C2CD3: variants seen among roughly 807,000 people sequenced by gnomAD.
C2CD3 encodes C2 domain containing 3 centriole elongation regulator, also known as C2 domain-containing protein 3.
A neutral mutation model predicts 234.0 loss-of-function variants in C2CD3; 148 were observed. That is an observed-to-expected ratio of 0.63 (90% CI 0.55 to 0.72). The LOEUF (loss-of-function observed/expected upper bound fraction) is 0.72. Ranked by LOEUF, C2CD3 falls within the 30% of genes least tolerant of loss-of-function variation. The pLI, the probability that C2CD3 is intolerant of heterozygous loss-of-function variation, is 0.00. For synonymous variants in C2CD3, 1,000 were observed against 1,035.4 expected (o/e 0.97, Z 0.66); for missense variants, 2,577 against 2,811.5 (o/e 0.92, Z 1.89).
intron 25 of C2CD3, among the ~76,000 whole-genome samples, chr11:74,055,757 T>C (rs1412774456): frequency 2.6e-5 from 4 of 152,230 alleles, no homozygotes; most frequent in African/African-American, 9.6e-5. Flanking sequence ...AATTTTGTGA[T>C]AAAGGAATTA....
chr11:74,168,383 T>G lies in C2CD3; in HGVS notation c.286A>C (p.Ile96Leu). Residue 96 changes from isoleucine (I) to leucine (L), a missense_variant, in exon 2 of 33, where the codon ATT (isoleucine) becomes CTT (leucine). Coordinates refer to ENST00000334126, the MANE Select transcript of C2CD3 (RefSeq NM_001286577.2). Reference sequence around the variant, plus strand: ...GTAAACTGTTTTGGACCACAACGAATAGCGTAACGTGTAGTTGTTCTCACA... The same window carrying G: ...GTAAACTGTTTTGGACCACAACGAAGAGCGTAACGTGTAGTTGTTCTCACA... ...KAVRTTTRYA[I>L]RCGPKQFTSY... The G allele has an allele frequency of 6.2e-7, 1 of 1,613,990 alleles. No individual in the cohort carries two copies. Among genetic ancestry groups the G allele is most frequent in the South Asian group, 1.1e-5 (1 of 91,086 alleles).
In C2CD3 at chr11:74,103,548, G is replaced by T. The variant is rs768242030; in HGVS notation, c.2163C>A (p.Thr721=). 4 of 1,613,730 alleles carry T rather than the reference G, an allele frequency of 2.5e-6. No individual in the cohort carries two copies. The South Asian group carries it at 4.4e-5, about 18-fold the overall frequency. The change falls in exon 14 of 33, where the codon ACC becomes ACA. Residue 721 remains threonine (T), a synonymous_variant. Coordinates refer to ENST00000334126, the MANE Select transcript of C2CD3 (RefSeq NM_001286577.2). Reference sequence around the variant, plus strand: ...TTGGACTTGTAGGAGCACAAAGTGGGGTATAATGGGTGTTGCCACTTAACT... The same window carrying T: ...TTGGACTTGTAGGAGCACAAAGTGGTGTATAATGGGTGTTGCCACTTAACT... ...NTKLSGNTHY[T]PLCAPTSPNK... is the part of the protein sequence containing the mutation.
chr11:74,110,249 T>C (rs2135505467), intron 11 of C2CD3, among the ~76,000 whole-genome samples: 1 of 151,478 alleles, frequency 6.6e-6, no homozygotes, highest in East Asian at 1.9e-4. Flanking sequence ...GCTAAGGCTG[T>C]TAAAATGGAT....
intron 8 of C2CD3, among the ~76,000 whole-genome samples, chr11:74,121,924 G>A (rs1334281595): frequency 6.6e-6 from 1 of 152,094 alleles, no homozygotes; most frequent in East Asian, 1.9e-4. Context: ...TCTCATTCAG[G>A]CATTCTGTCT....
intron 31 of C2CD3, among the ~76,000 whole-genome samples, chr11:74,030,793 G>T (rs1362253496): frequency 6.6e-6 from 1 of 152,088 alleles, no homozygotes; most frequent in African/African-American, 2.4e-5. Context: ...TGCCCCAAAC[G>T]GCAATCTGCA....
chr11:74,140,909 AAG>A (rs1292290501), intron 3 of C2CD3, among the ~76,000 whole-genome samples: 1 of 152,160 alleles, frequency 6.6e-6, no homozygotes, highest in Non-Finnish European at 1.5e-5. Context: ...TCTTTGTGAA[AAG>A]ACTCTCTAGT....
intron 3 of C2CD3, among the ~76,000 whole-genome samples, chr11:74,157,940 A>G (rs1323168338): frequency 6.6e-6 from 1 of 152,258 alleles, no homozygotes; most frequent in Admixed American, 6.5e-5. Context: ...TGAAGAAAAC[A>G]TAAGTTGATA....
intron 32 of C2CD3, among the ~76,000 whole-genome samples, chr11:74,025,585 A>G (rs1205241895): frequency 6.6e-6 from 1 of 152,178 alleles, no homozygotes; most frequent in Non-Finnish European, 1.5e-5. Flanking sequence ...GGCCATTCAA[A>G]GCGGCCCAGA....
At position 74,121,556 on chromosome 11, in the gene C2CD3, G is replaced by A. The variant is rs575935300; in HGVS notation, c.1365+1432C>T. Among the ~76,000 whole-genome samples the A allele has an allele frequency of 3.6e-5, 5 of 140,126 alleles. No individual in the cohort carries two copies. The South Asian group carries it at 6.8e-4, about 19-fold the overall frequency. 91.9% of individuals were successfully genotyped at this position (140,126 alleles called of 152,430 possible). On this transcript the variant is annotated intron_variant, in intron 8 of 32. Transcript: ENST00000334126. ...TGGGAGGTGGAGGTTGCGGTGAGCC[G>A]AGATCATGCCTCTGCACTCCAGACT...
At chr11:74,137,167 C>A (rs1957891173) in intron 5 of C2CD3, among the ~76,000 whole-genome samples, 1 of 151,688 alleles carries the variant, frequency 6.6e-6, no homozygotes, top group Non-Finnish European at 1.5e-5. Context: ...CTTTGCCAAC[C>A]TATGTAAAAC....
intron 3 of C2CD3, among the ~76,000 whole-genome samples, chr11:74,143,864 C>A (rs1854977425): frequency 6.6e-6 from 1 of 151,976 alleles, no homozygotes; most frequent in South Asian, 2.1e-4. Context: ...CTGGAGATTT[C>A]TTTTTCAGAA....
At chr11:74,144,401 T>C (rs1855021416) in intron 3 of C2CD3, among the ~76,000 whole-genome samples, 1 of 152,226 alleles carries the variant, frequency 6.6e-6, no homozygotes, top group South Asian at 2.1e-4. Context: ...AAAGCTTCTC[T>C]AGTGCCAATA....
chr11:74,080,512 A>G (rs997195641), intron 22 of C2CD3, among the ~76,000 whole-genome samples: 2 of 152,222 alleles, frequency 1.3e-5, no homozygotes. Context: ...TGTAGACACA[A>G]AATTTCACGC....
rs760305311 is a variant in C2CD3 at position 74,078,240 on chromosome 11, T to C, written c.4478A>G (p.Gln1493Arg). Residue 1493 changes from glutamine (Q) to arginine (R), a missense_variant, in exon 23 of 33, where the codon CAA (glutamine) becomes CGA (arginine). By Grantham distance (43) the Gln-to-Arg change is conservative. Coordinates refer to ENST00000334126, the MANE Select transcript of C2CD3 (RefSeq NM_001286577.2). ...WYFREERLEI[Q>R]VWRAYGNDSV... ...GTCATTGCCATAAGCTCGCCACACTTGGATCTCTAGCCTCTCCTCCCTGAA... is the reference window on the plus strand; with the variant it reads ...GTCATTGCCATAAGCTCGCCACACTCGGATCTCTAGCCTCTCCTCCCTGAA... The C allele has an allele frequency of 1.9e-6, 3 of 1,614,138 alleles. No individual in the cohort carries two copies. The highest frequency in any genetic ancestry group is 2.5e-6 in the Non-Finnish European group (3 of 1,180,018).
At chr11:74,016,167 C>T (rs756340013) in intron 32 of C2CD3, among the ~76,000 whole-genome samples, 2 of 152,176 alleles carry the variant, frequency 1.3e-5, no homozygotes, top group African/African-American at 4.8e-5. Flanking sequence ...AACAGGCAGA[C>T]GTGGTTCCTG....
Position 74,085,608 on chromosome 11 carries a change from T to C in C2CD3, c.3910+10A>G, listed in dbSNP as rs1417735289. 6 of 1,613,752 alleles carry C rather than the reference T, an allele frequency of 3.7e-6. No individual in the cohort carries two copies. Among genetic ancestry groups the C allele is most frequent in the East Asian group, 4.5e-5 (2 of 44,890 alleles). ...TTAATTTTGATTGTGACAAGTCATA[T>C]GGTGCTCACCTGACTTGGTATTTTC... On this transcript the variant is annotated intron_variant, in intron 21 of 32. Transcript: ENST00000334126.
intron 28 of C2CD3, among the ~76,000 whole-genome samples, chr11:74,043,926 T>G (rs1424970887): frequency 1.3e-5 from 2 of 152,032 alleles, no homozygotes; most frequent in Non-Finnish European, 2.9e-5. Context: ...TGGGCTCAAG[T>G]GATCTTCCCA....
At chr11:74,090,143 A>T (rs1955819524) in intron 20 of C2CD3, among the ~76,000 whole-genome samples, 1 of 152,036 alleles carries the variant, frequency 6.6e-6, no homozygotes, top group Non-Finnish European at 1.5e-5. Context: ...GCAGGAGATG[A>T]GATCACAAAG....
At chr11:74,107,050 G>C (rs1015876051) in intron 12 of C2CD3, among the ~76,000 whole-genome samples, 7 of 152,138 alleles carry the variant, frequency 4.6e-5, no homozygotes, top group African/African-American at 1.4e-4. Context: ...GGCTGGGCGC[G>C]GTGGCCCATG....
Sources: allele counts gnomAD v4.1 joint callset (sites outside exome capture counted in the v4.1 genomes callset), GRCh38; gene constraint gnomAD v4.1.1; transcripts MANE v1.5; gene names NCBI Gene and HGNC (gene_info 2026-07-23, HGNC 2026-07-21).